EML6: variants seen among roughly 807,000 people sequenced by gnomAD.
EML6 encodes the protein echinoderm microtubule-associated protein-like 6.
In EML6, 154 loss-of-function variants were observed where a neutral mutation model predicts 240.1. The observed-to-expected ratio is 0.64, with a 90% CI of 0.56 to 0.73. EML6 has a LOEUF of 0.73. EML6 is among the 30% of genes least tolerant of loss of function. The pLI, the probability that EML6 is intolerant of heterozygous loss-of-function variation, is 0.00. For missense variants in EML6, 2,964 were observed against 2,474.6 expected (o/e 1.20, Z -4.20); for synonymous variants, 1,148 against 899.0 (o/e 1.28, Z -4.95).
At chr2:54,817,045 T>C (rs2104080167) in intron 4 of EML6, among the ~76,000 whole-genome samples, 160 bp downstream of exon 4, 1 of 152,362 alleles carries the variant, frequency 6.6e-6, no homozygotes, top group Middle Eastern at 3.4e-3. Flanking sequence ...AATAGCTAAC[T>C]GTGTTAATGT....
At chr2:54,794,625 A>G (rs1326663527) in intron 2 of EML6, among the ~76,000 whole-genome samples, 1 of 152,118 alleles carries the variant, frequency 6.6e-6, no homozygotes, top group Non-Finnish European at 1.5e-5. Context: ...TTATCTTACC[A>G]ATGGCCCTTG....
intron 12 of EML6, among the ~76,000 whole-genome samples, chr2:54,861,546 C>T (rs561078521): frequency 6.6e-6 from 1 of 152,174 alleles, no homozygotes; most frequent in East Asian, 1.9e-4. Flanking sequence ...AGTCCACCCT[C>T]CAACCCTTCT....
At chr2:54,878,884 G>T (rs1193285219) in intron 16 of EML6, among the ~76,000 whole-genome samples, 1 of 152,110 alleles carries the variant, frequency 6.6e-6, no homozygotes, top group Non-Finnish European at 1.5e-5. Flanking sequence ...AAGATTGGTA[G>T]GATATATATC....
chr2:54,885,580 A>G (rs760333634), intron 17 of EML6, among the ~76,000 whole-genome samples: 53 of 152,198 alleles, frequency 3.5e-4, no homozygotes, highest in Non-Finnish European at 5.0e-4. Flanking sequence ...CCAGTAATGT[A>G]TCCTAGCTCC....
At chr2:54,934,907 A>G (rs374964391) in intron 28 of EML6, among the ~76,000 whole-genome samples, 9 of 152,236 alleles carry the variant, frequency 5.9e-5, no homozygotes, top group Admixed American at 2.6e-4. Context: ...AGGGAAAGAT[A>G]TATCAATTAA....
intron 5 of EML6, 103 bp from the exon 6 acceptor site, chr2:54,827,463 G>C (rs1052542119): frequency 1.0e-6 from 1 of 953,800 alleles, no homozygotes; most frequent in Non-Finnish European, 1.6e-6. Context: ...TGCCTAGCTT[G>C]GATAGAGCAC....
At chr2:54,883,398 C>G (rs1219783132) in intron 17 of EML6, among the ~76,000 whole-genome samples, 1 of 152,080 alleles carries the variant, frequency 6.6e-6, no homozygotes. Flanking sequence ...ATGTATCAAA[C>G]ATTCATCAGT....
chr2:54,853,558 T>G (rs751679917), intron 10 of EML6, 85 bp from the exon 11 acceptor site: 14 of 908,298 alleles, frequency 1.5e-5, no homozygotes, highest in African/African-American at 5.1e-5. Flanking sequence ...TTTACAAAAG[T>G]TTTCTTAAAG....
chr2:54,725,340 C>T lies in EML6; in HGVS notation c.197+82C>T. The T allele has an allele frequency of 9.5e-7, 1 of 1,058,044 alleles. No homozygotes were observed. Among genetic ancestry groups the T allele is most frequent in the Non-Finnish European group, 1.3e-6 (1 of 773,398 alleles). 65.5% of individuals were successfully genotyped at this position (1,058,044 alleles called of 1,614,324 possible). A position where few individuals can be genotyped will look rare whatever the true frequency, so the allele number is the denominator to read the frequency against. On this transcript the variant is annotated intron_variant, in intron 2 of 41. Coordinates refer to ENST00000356458, the MANE Select transcript of EML6 (RefSeq NM_001039753.4). The surrounding 1 kb of genome is among the most constrained non-coding windows in gnomAD (Gnocchi z 4.3). The stretch of plus-strand genomic sequence containing the variant: ...GGAAGCGGTTGACCTGGGGTCGGAT[C>T]CGGGAGCCCCGTGGAATAGAGGATT...
At chr2:54,837,421 A>G (rs2103620844) in intron 7 of EML6, among the ~76,000 whole-genome samples, 1 of 152,286 alleles carries the variant, frequency 6.6e-6, no homozygotes, top group Admixed American at 6.5e-5. Flanking sequence ...GGCGCTGTCC[A>G]TGGGGTTAAT....
At chr2:54,796,524 C>A (rs191267193) in intron 2 of EML6, among the ~76,000 whole-genome samples, 1 of 149,372 alleles carries the variant, frequency 6.7e-6, no homozygotes, top group Non-Finnish European at 1.5e-5. Flanking sequence ...TAAATGGAAT[C>A]ATTTTAAGTA....
At chr2:54,927,232 C>G (rs1674598261) in intron 26 of EML6, among the ~76,000 whole-genome samples, 2 of 152,318 alleles carry the variant, frequency 1.3e-5, no homozygotes, top group South Asian at 4.1e-4. Context: ...TTCCGCTCTG[C>G]CATCAGCTAG....
chr2:54,797,113 C>G (rs1173457914), intron 2 of EML6, among the ~76,000 whole-genome samples: 2 of 135,270 alleles, frequency 1.5e-5, no homozygotes, highest in Admixed American at 8.3e-5. Flanking sequence ...TGCAGTGAGC[C>G]GAGATCGTGC....
At chr2:54,921,376 G>A (rs997251925) in intron 26 of EML6, among the ~76,000 whole-genome samples, 11 of 151,994 alleles carry the variant, frequency 7.2e-5, no homozygotes, top group Admixed American at 2.0e-4. Flanking sequence ...CCAAGGAGGC[G>A]AAAGAACTGT....
intron 2 of EML6, among the ~76,000 whole-genome samples, chr2:54,736,015 A>G (rs1238079690): frequency 6.6e-6 from 1 of 152,200 alleles, no homozygotes; most frequent in Non-Finnish European, 1.5e-5. Context: ...CAGGGCAGGA[A>G]CAGCTTATGC....
At position 54,850,404 on chromosome 2, in the gene EML6, C is replaced by A. The variant is rs1007031515; in HGVS notation, c.1444+186C>A. The A allele has an allele frequency of 4.6e-5, 26 of 565,774 alleles. No individual in the cohort carries two copies. In the African/African-American group the frequency reaches 5.2e-4, roughly 11 times the overall value. The allele number at this position is 565,774 out of a possible 1,614,324, so 35.0% of individuals were successfully genotyped here. ...CGCAAGATCCTAAATAACAGACATT[C>A]AAAGGAAAGGTATGAGTTGGAACAT... On this transcript the variant is annotated intron_variant, in intron 10 of 41. Transcript: ENST00000356458.
At chr2:54,895,149 T>C in intron 20 of EML6, 123 bp downstream of exon 20, 1 of 1,328,174 alleles carries the variant, frequency 7.5e-7, no homozygotes, top group African/African-American at 1.5e-5. Flanking sequence ...AGAACTCTCT[T>C]CCTCTGGTAG....
At chr2:54,942,290 A>C (rs574151207) in intron 28 of EML6, among the ~76,000 whole-genome samples, 1 of 152,350 alleles carries the variant, frequency 6.6e-6, no homozygotes, top group Non-Finnish European at 1.5e-5. Context: ...TGTAATCATC[A>C]AATCAAACCT....
At chr2:54,909,601 T>G (rs527288924) in intron 24 of EML6, among the ~76,000 whole-genome samples, 1 of 152,082 alleles carries the variant, frequency 6.6e-6, no homozygotes, top group East Asian at 1.9e-4. Context: ...ATCCCAGCAC[T>G]TTGGGAGGCC....
Sources: gnomAD v4.1 joint callset for allele counts (sites outside exome capture counted in the v4.1 genomes callset) on GRCh38, gnomAD v4.1.1 for gene constraint, Gnocchi (gnomAD v3.1) non-coding constraint, MANE v1.5 for transcripts, NCBI Gene and HGNC (gene_info 2026-07-23, HGNC 2026-07-21) for gene names.